Variants in MALRD1 observed in about 807,000 individuals in gnomAD.
The protein encoded by MALRD1 is MAM and LDL receptor class A domain containing 1.
A neutral mutation model predicts 242.1 loss-of-function variants in MALRD1; 247 were observed. The observed-to-expected ratio is 1.02, with a 90% CI of 0.92 to 1.13. The LOEUF (loss-of-function observed/expected upper bound fraction) is 1.13, where lower values mean the gene tolerates loss of function less well. Ranked by LOEUF, MALRD1 falls within the 50% of genes most tolerant of loss-of-function variation. MALRD1 has a pLI of 0.00. For synonymous variants in MALRD1, 995 were observed against 866.6 expected, an observed-to-expected ratio of 1.15 and a Z score of -2.60; for missense variants, 2,989 against 2,533.1, an observed-to-expected ratio of 1.18 and a Z score of -3.86.
intron 14 of MALRD1, among the ~76,000 whole-genome samples, chr10:19,197,284 C>T (rs1330287324): frequency 2.6e-5 from 4 of 152,092 alleles, no homozygotes. Flanking sequence ...AACACAGAGC[C>T]AAACCATATC....
In MALRD1 at chr10:19,061,287, A is replaced by G. The variant is rs535740698; in HGVS notation, c.200-5432A>G. On this transcript the variant is annotated intron_variant, in intron 1 of 39. Transcript: ENST00000454679. ...ATTGTTGAAAGACATTTACAAAGATATAAATGGAAAAGATATTCTGTGTCC... is the reference window on the plus strand; with the variant it reads ...ATTGTTGAAAGACATTTACAAAGATGTAAATGGAAAAGATATTCTGTGTCC... Among the ~76,000 whole-genome samples, 3 of 152,362 alleles carry G rather than the reference A, an allele frequency of 2.0e-5. No homozygotes were observed. The South Asian group carries it at 6.2e-4, about 32-fold the overall frequency.
intron 28 of MALRD1, among the ~76,000 whole-genome samples, chr10:19,399,492 C>T (rs1315701223): frequency 6.6e-6 from 1 of 152,098 alleles, no homozygotes; most frequent in Admixed American, 6.6e-5. Context: ...AATTGCTTAT[C>T]AGTGGGCTGA....
chr10:19,252,660 A>G (rs565898668), intron 18 of MALRD1, among the ~76,000 whole-genome samples: 41 of 152,142 alleles, frequency 2.7e-4, no homozygotes, highest in African/African-American at 8.7e-4. Context: ...CCACAATGTT[A>G]TTATTATCCA....
intron 36 of MALRD1, among the ~76,000 whole-genome samples, chr10:19,645,365 A>C (rs1840604709): frequency 6.6e-6 from 1 of 152,220 alleles, no homozygotes; most frequent in Non-Finnish European, 1.5e-5. Flanking sequence ...TGAACCAGCG[A>C]TCCCATTACT....
intron 12 of MALRD1, among the ~76,000 whole-genome samples, chr10:19,158,602 A>G (rs61851296): frequency 0.066 from 10,109 of 152,282 alleles, 428 homozygotes; most frequent in Middle Eastern, 0.11. Flanking sequence ...TGCTTGCTAT[A>G]TTACCAAAGT....
chr10:19,355,462 T>A (rs956890909), intron 26 of MALRD1, among the ~76,000 whole-genome samples: 1 of 151,844 alleles, frequency 6.6e-6, no homozygotes, highest in Non-Finnish European at 1.5e-5. Context: ...TTCATTCATA[T>A]AAAGTATGAT....
intron 36 of MALRD1, among the ~76,000 whole-genome samples, chr10:19,621,477 A>G (rs1839400517): frequency 6.6e-6 from 1 of 151,690 alleles, no homozygotes; most frequent in African/African-American, 2.4e-5. Context: ...TCATTTTCAA[A>G]GGATGATATA....
intron 18 of MALRD1, among the ~76,000 whole-genome samples, chr10:19,230,958 ATGAATAATTGGTTGTGGAGACTTTTATG>A (rs1332056626): frequency 6.6e-6 from 1 of 152,156 alleles, no homozygotes; most frequent in African/African-American, 2.4e-5. Flanking sequence ...AGAATTTCCC[ATGAATAATTGGTTGTGGAGACTTTTATG>A]TGTGACCCAA....
In MALRD1 at chr10:19,621,351, T is replaced by TAAAAA. The variant is rs56041015; in HGVS notation, c.6137+5442_6137+5446dup. On this transcript the variant is annotated intron_variant, in intron 36 of 39. Transcript: ENST00000454679. ...TTTAAAGTCTAAGTGTAAAAATATG[T>TAAAAA]AAAAAAAAAAAAAAAAAAGTAAGAA... Among the ~76,000 whole-genome samples, 198 of 121,832 alleles carry TAAAAA rather than the reference T, an allele frequency of 1.6e-3. 2 individuals carry two copies. Among genetic ancestry groups the TAAAAA allele is most frequent in the African/African-American group, 2.9e-3 (95 of 32,284 alleles). The allele number at this position is 121,832 out of a possible 152,430, so 79.9% of individuals were successfully genotyped here.
chr10:19,696,656 C>G (rs901735796), intron 38 of MALRD1, among the ~76,000 whole-genome samples: 1 of 151,962 alleles, frequency 6.6e-6, no homozygotes, highest in African/African-American at 2.4e-5. Context: ...ACTGTAATCC[C>G]AGCACTTTGG....
intron 5 of MALRD1, among the ~76,000 whole-genome samples, chr10:19,116,521 A>G (rs1280176571): frequency 6.6e-6 from 1 of 152,210 alleles, no homozygotes; most frequent in Non-Finnish European, 1.5e-5. Flanking sequence ...AAACCTCTGG[A>G]GTAAAAACTG....
intron 14 of MALRD1, among the ~76,000 whole-genome samples, chr10:19,199,439 G>C (rs1253837870): frequency 6.6e-6 from 1 of 152,174 alleles, no homozygotes; most frequent in Non-Finnish European, 1.5e-5. Context: ...TTAGAATCAT[G>C]ACAATAATAA....
intron 11 of MALRD1, among the ~76,000 whole-genome samples, chr10:19,152,803 A>G (rs1833991029): frequency 2.0e-5 from 3 of 152,096 alleles, no homozygotes; most frequent in Admixed American, 6.6e-5. Flanking sequence ...TATAATGTCT[A>G]CTAGATATTT....
At chr10:19,473,646 C>G (rs1278157593) in intron 29 of MALRD1, among the ~76,000 whole-genome samples, 1 of 152,008 alleles carries the variant, frequency 6.6e-6, no homozygotes, top group Non-Finnish European at 1.5e-5. Flanking sequence ...TAGCCTGTGT[C>G]AAAACTTCCA....
At chr10:19,365,466 A>T (rs997309111) in intron 26 of MALRD1, among the ~76,000 whole-genome samples, 1 of 152,062 alleles carries the variant, frequency 6.6e-6, no homozygotes, top group African/African-American at 2.4e-5. Flanking sequence ...TGTGATCAAG[A>T]AATCAGCTCT....
intron 33 of MALRD1, among the ~76,000 whole-genome samples, chr10:19,593,826 G>A (rs998870468): frequency 6.6e-6 from 1 of 152,156 alleles, no homozygotes; most frequent in African/African-American, 2.4e-5. Flanking sequence ...TTTAAAATTT[G>A]TGGGCTTCAG....
chr10:19,689,924 T>C (rs1202209978), intron 36 of MALRD1, among the ~76,000 whole-genome samples: 1 of 152,106 alleles, frequency 6.6e-6, no homozygotes, highest in Middle Eastern at 3.2e-3. Context: ...TTTCACCATA[T>C]AAGTTTAAAA....
At chr10:19,178,132 T>C (rs1359961107) in intron 14 of MALRD1, among the ~76,000 whole-genome samples, 1 of 152,208 alleles carries the variant, frequency 6.6e-6, no homozygotes, top group Non-Finnish European at 1.5e-5. Flanking sequence ...ATCTTGCTTA[T>C]GGAGAATTCT....
chr10:19,515,098 T>G (rs1289967558), intron 31 of MALRD1, among the ~76,000 whole-genome samples: 1 of 152,188 alleles, frequency 6.6e-6, no homozygotes, highest in African/African-American at 2.4e-5. Context: ...AAAAATCTTT[T>G]TTACTTAACA....
Sources: gnomAD v4.1 joint callset for allele counts (sites outside exome capture counted in the v4.1 genomes callset) on GRCh38, gnomAD v4.1.1 for gene constraint, MANE v1.5 for transcripts, NCBI Gene and HGNC (gene_info 2026-07-23, HGNC 2026-07-21) for gene names.